The following ADAM19 variants were observed in gnomAD, a reference collection of about 807,000 sequenced individuals.
The protein encoded by ADAM19 is disintegrin and metalloproteinase domain-containing protein 19.
In ADAM19, 65 loss-of-function variants were observed where a neutral mutation model predicts 114.7. The ratio of observed to expected loss-of-function variants is 0.57; its 90% CI spans 0.46 to 0.70. The LOEUF (loss-of-function observed/expected upper bound fraction) is 0.70, where lower values mean the gene tolerates loss of function less well. Among genes scored for constraint, ADAM19 ranks in the 30% least tolerant of loss-of-function variants. The pLI is 0.00. For missense variants in ADAM19, 1,063 were observed against 1,204.7 expected (o/e 0.88, Z 1.74); for synonymous variants, 466 against 460.5 (o/e 1.01, Z -0.15).
Position 157,477,510 on chromosome 5 carries a change from C to T in ADAM19, c.*3439G>A, listed in dbSNP as rs1429620633. 1.3e-5 allele frequency: 14 copies of T among 1,119,056 alleles called. No homozygotes were observed. The South Asian group carries it at 2.3e-4, about 19-fold the overall frequency. 69.3% of individuals were successfully genotyped at this position (1,119,056 alleles called of 1,614,324 possible). On this transcript the variant is annotated 3_prime_UTR_variant, in exon 23 of 23. Coordinates refer to ENST00000257527, the MANE Select transcript of ADAM19 (RefSeq NM_033274.5). ...GCCCTGGATCCCAGACACATACAAA[C>T]GCACAGTGGACGGTGTGAGAGGACG... is the stretch of plus-strand genomic sequence containing the variant.
At chr5:157,569,041 T>C (rs1757748311) in intron 2 of ADAM19, 1 of 152,166 alleles carries the variant, frequency 6.6e-6, no homozygotes, top group South Asian at 2.1e-4. Flanking sequence ...GCAGGTCCAT[T>C]CCTCAGGGGG....
rs56384823 is a variant in ADAM19, at chr5:157,502,808, C to T, written c.1303G>A (p.Glu435Lys). 0.012 allele frequency: 19,047 copies of T among 1,613,906 alleles called. 162 individuals are homozygous for T. Among genetic ancestry groups the T allele is most frequent in the Non-Finnish European group, 0.013 (15,283 of 1,179,808 alleles). The change falls in exon 12 of 23, where the codon GAA becomes AAA. Residue 435 changes from glutamate to lysine, a missense_variant. Around this residue, in one of 3 missense-constraint regions of ADAM19, gnomAD observed 615 missense variants for 706.3 expected, o/e 0.87. Transcript: ENST00000257527. Reference protein sequence around the residue: ...EDGEECDCGEEEECNNPCCNA... With the variant: ...EDGEECDCGEKEECNNPCCNA... The stretch of plus-strand genomic sequence containing the variant: ...GCACCATTGTGACCCCTCACCTCTT[C>T]TTCTCCACAGTCACACTCTTCCCCA...
chr5:157,540,615 C>T (rs1161190253), intron 3 of ADAM19, among the ~76,000 whole-genome samples: 1 of 152,092 alleles, frequency 6.6e-6, no homozygotes, highest in Non-Finnish European at 1.5e-5. Context: ...AAGTCTTCTC[C>T]CCGGCCCCCA....
rs1033695796 is a variant in ADAM19 at position 157,482,872 on chromosome 5, A to C, written c.2551-929T>G. 7.2e-5 allele frequency among the ~76,000 whole-genome samples: 11 copies of C among 152,366 alleles called. 1 individual carries two copies. The highest frequency in any genetic ancestry group is 6.5e-4 in the Admixed American group (10 of 15,308). On this transcript the variant is annotated intron_variant, in intron 21 of 22. Transcript: ENST00000257527. The stretch of plus-strand genomic sequence containing the variant: ...ACATATACACCATGGAATACTATGC[A>C]GCCATAAAAAAGGATGAGTTCATGT...
chr5:157,546,182 C>T (rs542673996), intron 3 of ADAM19, among the ~76,000 whole-genome samples: 3 of 152,342 alleles, frequency 2.0e-5, no homozygotes, highest in Admixed American at 2.0e-4. Flanking sequence ...ACTGTCTGGT[C>T]CCCAGAAGGC....
Position 157,480,552 on chromosome 5 carries a change from T to C in ADAM19, c.*397A>G. The C allele has an allele frequency of 5.8e-6, 6 of 1,030,486 alleles. No homozygotes were observed. The highest frequency in any genetic ancestry group is 5.8e-6 in the Non-Finnish European group (5 of 858,018). The allele number at this position is 1,030,486 out of a possible 1,614,324, so 63.8% of individuals were successfully genotyped here. A position where few individuals can be genotyped will look rare whatever the true frequency, so the allele number is the denominator to read the frequency against. On this transcript the variant is annotated 3_prime_UTR_variant, in exon 23 of 23. Transcript: ENST00000257527. ...AGAGCAGAAGCAATGGGAAGCTCTC[T>C]TGCGTGCCCTGCACCCCAGGAGTGA... is the stretch of plus-strand genomic sequence containing the variant.
Position 157,488,453 on chromosome 5 carries a change from G to T in ADAM19, c.2362C>A (p.Gln788Lys). The T allele has an allele frequency of 2.5e-6, 4 of 1,608,872 alleles. No individual in the cohort carries two copies. The highest frequency in any genetic ancestry group is 3.4e-6 in the Non-Finnish European group (4 of 1,176,802). Residue 788 changes from glutamine to lysine, a missense_variant, in exon 21 of 23, where the codon CAG (glutamine) becomes AAG (lysine). Gln to Lys is a moderately conservative substitution (Grantham distance 53). Around this residue, in one of 3 missense-constraint regions of ADAM19, gnomAD observed 424 missense variants for 445.5 expected, o/e 0.95. Transcript: ENST00000257527. Reference protein sequence around the residue: ...NTPEILRKPSQPPPRPPPDYL... With the variant: ...NTPEILRKPSKPPPRPPPDYL... ...TCTGGAGGGGGCCGGGGAGGAGGCT[G>T]GGAGGGCTTCCGCAGGATTTCCGGA...
At chr5:157,497,373 C>T (rs985458485) in intron 13 of ADAM19, among the ~76,000 whole-genome samples, 3 of 152,218 alleles carry the variant, frequency 2.0e-5, no homozygotes, top group Non-Finnish European at 4.4e-5. Context: ...CAGTTTCCTA[C>T]ATGCTTTAGT....
Position 157,479,453 on chromosome 5 carries a change from C to T in ADAM19, c.*1496G>A, listed in dbSNP as rs539867249. ...AGTGAGAGTCAGGCCAGCTCCTGTC[C>T]GGAGAGCCACCCAGCACCTTTGTGG... On this transcript the variant is annotated 3_prime_UTR_variant, in exon 23 of 23. Coordinates refer to ENST00000257527, the MANE Select transcript of ADAM19 (RefSeq NM_033274.5). The T allele has an allele frequency of 3.7e-5, 36 of 985,822 alleles. No individual in the cohort carries two copies. Among genetic ancestry groups the T allele is most frequent in the Middle Eastern group, 5.2e-4 (1 of 1,936 alleles). 61.1% of individuals were successfully genotyped at this position (985,822 alleles called of 1,614,324 possible).
intron 3 of ADAM19, among the ~76,000 whole-genome samples, chr5:157,548,771 C>T (rs1037030823): frequency 1.3e-5 from 2 of 152,212 alleles, no homozygotes; most frequent in Non-Finnish European, 2.9e-5. Flanking sequence ...AGCCTCCTCT[C>T]ATTTTTCTCC....
intron 21 of ADAM19, 41 bp downstream of exon 21, chr5:157,488,224 A>C (rs1344592880): frequency 1.3e-6 from 2 of 1,585,544 alleles, no homozygotes; most frequent in Non-Finnish European, 1.7e-6. Flanking sequence ...GTGGCCTTAA[A>C]AGCAATGTTC....
intron 3 of ADAM19, among the ~76,000 whole-genome samples, chr5:157,560,065 A>G (rs1404405937): frequency 6.6e-6 from 1 of 151,856 alleles, no homozygotes; most frequent in Non-Finnish European, 1.5e-5. Context: ...GGAGATCGAG[A>G]CCATCCCGGC....
chr5:157,544,398 C>T (rs941538139), intron 3 of ADAM19, among the ~76,000 whole-genome samples: 2 of 152,210 alleles, frequency 1.3e-5, no homozygotes, highest in South Asian at 2.1e-4. Context: ...TCTCCCAGTC[C>T]GCACAAGACC....
At chr5:157,519,213 C>T (rs781156401) in intron 6 of ADAM19, among the ~76,000 whole-genome samples, 7 of 152,088 alleles carry the variant, frequency 4.6e-5, no homozygotes, top group Admixed American at 2.0e-4. Flanking sequence ...CACAGAACCT[C>T]GAAACCTCGA....
At chr5:157,571,334 G>A (rs1335681348) in intron 1 of ADAM19, among the ~76,000 whole-genome samples, 3 of 152,300 alleles carry the variant, frequency 2.0e-5, no homozygotes, top group African/African-American at 4.8e-5. Flanking sequence ...GAGTCCTGAG[G>A]AGCCAGAAGG....
chr5:157,483,244 T>C (rs575118861), intron 21 of ADAM19, among the ~76,000 whole-genome samples: 1 of 152,350 alleles, frequency 6.6e-6, no homozygotes, highest in South Asian at 2.1e-4. Context: ...TCTGATCTAG[T>C]AATTCTACTT....
intron 3 of ADAM19, among the ~76,000 whole-genome samples, chr5:157,549,785 G>C (rs1757139232): frequency 6.6e-6 from 1 of 152,166 alleles, no homozygotes; most frequent in African/African-American, 2.4e-5. Context: ...TCTACATAGA[G>C]GTGCTCAATC....
chr5:157,481,968 C>G, intron 21 of ADAM19, 25 bp from the exon 22 acceptor site: 1 of 1,549,564 alleles, frequency 6.5e-7, no homozygotes, highest in Non-Finnish European at 8.7e-7. Context: ...ATAAGCCTCA[C>G]TTGAAGGCCA....
chr5:157,534,532 C>T (rs557225443), intron 4 of ADAM19, among the ~76,000 whole-genome samples: 2 of 152,220 alleles, frequency 1.3e-5, no homozygotes, highest in East Asian at 3.9e-4. Context: ...GCGGCTCATG[C>T]CTATAATACC....
Sources: allele counts gnomAD v4.1 joint callset (sites outside exome capture counted in the v4.1 genomes callset), GRCh38; gene constraint gnomAD v4.1.1; regional missense constraint gnomAD v4.1.1; transcripts MANE v1.5; gene names NCBI Gene and HGNC (gene_info 2026-07-23, HGNC 2026-07-21).